NCKAP5: variants seen among roughly 807,000 people sequenced by gnomAD.
NCKAP5 encodes nck-associated protein 5.
NCKAP5 carries 92 observed loss-of-function variants against 167.0 expected under a neutral mutation model. That is an observed-to-expected ratio of 0.55 (90% CI 0.47 to 0.66). The LOEUF is 0.66. Ranked by LOEUF, NCKAP5 falls within the 30% of genes least tolerant of loss-of-function variation. The probability of loss-of-function intolerance (pLI) is 0.00; values close to 1 mark genes in which losing one functional copy is unlikely to be tolerated. For synonymous variants in NCKAP5, 891 were observed against 877.4 expected (o/e 1.02, Z -0.27); for missense variants, 2,378 against 2,315.0 (o/e 1.03, Z -0.56).
chr2:133,031,422 G>C (rs1250008968), intron 6 of NCKAP5, among the ~76,000 whole-genome samples: 1 of 152,186 alleles, frequency 6.6e-6, no homozygotes, highest in African/African-American at 2.4e-5. Context: ...CTCAGCCAGA[G>C]GGGAATCACA....
At chr2:132,889,504 A>G (rs1236662145) in intron 8 of NCKAP5, among the ~76,000 whole-genome samples, 3 of 152,158 alleles carry the variant, frequency 2.0e-5, no homozygotes, top group Non-Finnish European at 4.4e-5. Flanking sequence ...GAAACAAGTT[A>G]ATTTCTCACA....
chr2:133,474,112 ATATCTATC>A (rs10668136), intron 3 of NCKAP5, among the ~76,000 whole-genome samples: 2,032 of 137,944 alleles, frequency 0.015, 26 homozygotes, highest in Middle Eastern at 0.029. Context: ...AGAAAATGTG[ATATCTATC>A]TATCTATCTA....
At chr2:133,050,886 CAAAAAGA>C (rs2079577112) in intron 6 of NCKAP5, among the ~76,000 whole-genome samples, 1 of 152,058 alleles carries the variant, frequency 6.6e-6, no homozygotes, top group African/African-American at 2.4e-5. Flanking sequence ...ATTTTATCAC[CAAAAAGA>C]AAGAGGGATA....
chr2:132,812,204 T>C (rs1468904309), intron 11 of NCKAP5, among the ~76,000 whole-genome samples: 4 of 152,224 alleles, frequency 2.6e-5, no homozygotes, highest in African/African-American at 9.6e-5. Context: ...GTTCTTGCAG[T>C]TGATCTGGAG....
chr2:133,289,495 A>T (rs537299368), intron 4 of NCKAP5, among the ~76,000 whole-genome samples: 3 of 152,054 alleles, frequency 2.0e-5, no homozygotes, highest in African/African-American at 7.2e-5. Context: ...TAATCCTAGC[A>T]CTTTGGGAGG....
chr2:132,808,900 A>G (rs1685644939), intron 11 of NCKAP5, among the ~76,000 whole-genome samples: 1 of 152,026 alleles, frequency 6.6e-6, no homozygotes, highest in African/African-American at 2.4e-5. Flanking sequence ...TGATATAGGC[A>G]TTTAGGGCTC....
Position 133,178,830 on chromosome 2 carries a change from A to C in NCKAP5, c.207+34886T>G, listed in dbSNP as rs1367186380. Reference sequence around the variant, plus strand: ...ACAGAGCAAGGCAAGACTCCGTCTCAAAAAAAAAAAAAAAAAAAAAAAACC... The same window carrying C: ...ACAGAGCAAGGCAAGACTCCGTCTCCAAAAAAAAAAAAAAAAAAAAAAACC... On this transcript the variant is annotated intron_variant, in intron 5 of 19. Transcript: ENST00000409261. Among the ~76,000 whole-genome samples the C allele has an allele frequency of 3.4e-4, 11 of 32,552 alleles. No individual in the cohort carries two copies. The South Asian group carries it at 9.7e-3, about 29-fold the overall frequency. The allele number at this position is 32,552 out of a possible 152,430, so 21.4% of individuals were successfully genotyped here.
At chr2:133,333,224 T>C (rs570773850) in intron 3 of NCKAP5, among the ~76,000 whole-genome samples, 7 of 152,188 alleles carry the variant, frequency 4.6e-5, no homozygotes, top group Non-Finnish European at 1.0e-4. Flanking sequence ...TTAATTCTTT[T>C]CAGAGTTGCT....
At chr2:133,572,453 A>T (rs532440865), upstream of NCKAP5, among the ~76,000 whole-genome samples, 1 of 152,228 alleles carries the variant, frequency 6.6e-6, no homozygotes, top group Non-Finnish European at 1.5e-5. Context: ...TGGGAATCAC[A>T]CTCACAGGGC....
At chr2:132,778,817 C>A (rs1461209999) in intron 15 of NCKAP5, among the ~76,000 whole-genome samples, 2 of 152,176 alleles carry the variant, frequency 1.3e-5, no homozygotes, top group Non-Finnish European at 2.9e-5. Flanking sequence ...TAATCTCCTT[C>A]CTATATAGGC....
At chr2:133,450,375 T>C (rs1471454409) in intron 3 of NCKAP5, among the ~76,000 whole-genome samples, 1 of 152,202 alleles carries the variant, frequency 6.6e-6, no homozygotes, top group Non-Finnish European at 1.5e-5. Flanking sequence ...GTTTTCAGCA[T>C]ATGTTGACCA....
the NCKAP5 span, among the ~76,000 whole-genome samples, chr2:133,658,679 AGG>A: frequency 6.6e-6 from 1 of 152,164 alleles, no homozygotes; most frequent in East Asian, 1.9e-4. Context: ...TGCCGACAGC[AGG>A]ATTCTCAACC....
chr2:132,782,377 C>T lies in NCKAP5; in HGVS notation c.4434G>A (p.Leu1478=), dbSNP rs1683110490. Residue 1478 remains leucine (L), a synonymous_variant, in exon 14 of 20, where the codon TTG becomes TTA. Coordinates refer to ENST00000409261, the MANE Select transcript of NCKAP5 (RefSeq NM_207363.3). ...LSPTIEEKVM[L]CIQENVEKGQ... Reference sequence around the variant, plus strand: ...CCTTTTCCACATTTTCCTGAATGCACAACATGACCTTTTCTTCGATTGTGG... The same window carrying T: ...CCTTTTCCACATTTTCCTGAATGCATAACATGACCTTTTCTTCGATTGTGG... The T allele has an allele frequency of 1.2e-6, 2 of 1,614,046 alleles. No individual in the cohort carries two copies. The highest frequency in any genetic ancestry group is 2.2e-5 in the South Asian group (2 of 91,084).
chr2:133,595,407 T>C, the NCKAP5 span, among the ~76,000 whole-genome samples: 2 of 151,482 alleles, frequency 1.3e-5, no homozygotes, highest in African/African-American at 4.8e-5. Flanking sequence ...CTTCTTTTTG[T>C]TCCTCCTCCT....
At chr2:133,657,846 G>A in the NCKAP5 span, among the ~76,000 whole-genome samples, 2 of 152,104 alleles carry the variant, frequency 1.3e-5, no homozygotes, top group Non-Finnish European at 2.9e-5. Flanking sequence ...AGCTATTTGG[G>A]GGATTTCATT....
At chr2:133,586,580 T>A in the NCKAP5 span, among the ~76,000 whole-genome samples, 1 of 152,194 alleles carries the variant, frequency 6.6e-6, no homozygotes, top group Non-Finnish European at 1.5e-5. Flanking sequence ...GACTCAGGCA[T>A]CTTCACATAG....
At chr2:132,842,954 G>T (rs1688398884) in intron 11 of NCKAP5, among the ~76,000 whole-genome samples, 1 of 151,956 alleles carries the variant, frequency 6.6e-6, no homozygotes. Context: ...TGTCACATTT[G>T]CTATCTTCTT....
chr2:132,968,576 G>A (rs547100659), intron 7 of NCKAP5, among the ~76,000 whole-genome samples: 40 of 152,134 alleles, frequency 2.6e-4, no homozygotes, highest in Non-Finnish European at 5.3e-4. Context: ...TTAAGATACA[G>A]TTTTCAGAAA....
chr2:132,942,126 T>C (rs150003936), intron 8 of NCKAP5, among the ~76,000 whole-genome samples: 54 of 152,362 alleles, frequency 3.5e-4, no homozygotes, highest in African/African-American at 1.2e-3. Flanking sequence ...TAAGTTTTGA[T>C]AAACATATCT....
Sources: allele counts gnomAD v4.1 joint callset (sites outside exome capture counted in the v4.1 genomes callset), GRCh38; gene constraint gnomAD v4.1.1; transcripts MANE v1.5; gene names NCBI Gene and HGNC (gene_info 2026-07-23, HGNC 2026-07-21).